The following GRIK3 variants were observed in gnomAD, a reference collection of about 807,000 sequenced individuals.
GRIK3 encodes glutamate ionotropic receptor kainate type subunit 3.
GRIK3 carries 29 observed loss-of-function variants against 102.5 expected under a neutral mutation model. The observed-to-expected ratio is 0.28, with a 90% CI of 0.21 to 0.39. The LOEUF (loss-of-function observed/expected upper bound fraction) is 0.39, where lower values mean the gene tolerates loss of function less well. Ranked by LOEUF, GRIK3 falls within the 10% of genes least tolerant of loss-of-function variation. The pLI is 1.00. For missense variants in GRIK3, 908 were observed against 1,252.4 expected (o/e 0.73, Z 4.15); for synonymous variants, 511 against 504.9 (o/e 1.01, Z -0.16).
At chr1:36,946,174 G>C (rs141688672) in intron 1 of GRIK3, among the ~76,000 whole-genome samples, 1 of 152,236 alleles carries the variant, frequency 6.6e-6, no homozygotes, top group Non-Finnish European at 1.5e-5. Flanking sequence ...ACAGGAGAGC[G>C]ATGGGTATCC....
intron 10 of GRIK3, 145 bp downstream of exon 10, chr1:36,841,591 C>T (rs529445846): frequency 2.9e-4 from 204 of 693,680 alleles, no homozygotes; most frequent in Middle Eastern, 2.0e-3. Context: ...TGAGGCCCCC[C>T]AGTCCTCAAG....
intron 11 of GRIK3, among the ~76,000 whole-genome samples, chr1:36,820,424 A>G (rs1447648223): frequency 1.3e-5 from 2 of 152,232 alleles, no homozygotes; most frequent in Non-Finnish European, 2.9e-5. Context: ...ACACTTAAAT[A>G]AACAGACTCC....
intron 1 of GRIK3, among the ~76,000 whole-genome samples, chr1:36,962,191 C>G (rs1018006946): frequency 6.6e-5 from 10 of 152,308 alleles, no homozygotes; most frequent in African/African-American, 2.2e-4. Flanking sequence ...TGCTTCTGAA[C>G]AGGTTCGCAT....
chr1:36,984,347 C>T (rs531589611), intron 1 of GRIK3, among the ~76,000 whole-genome samples: 2 of 152,368 alleles, frequency 1.3e-5, no homozygotes, highest in South Asian at 4.1e-4. Context: ...ATTCACATCC[C>T]TCATCCCACA....
chr1:36,817,022 C>T, intron 13 of GRIK3, 38 bp downstream of exon 13: 1 of 1,415,148 alleles, frequency 7.1e-7, no homozygotes, highest in Non-Finnish European at 1.0e-6. Flanking sequence ...CGGAGAGGAT[C>T]AGCTCACGGT....
intron 10 of GRIK3, among the ~76,000 whole-genome samples, chr1:36,838,355 T>C (rs571524): frequency 0.19 from 29,393 of 152,154 alleles, 3,384 homozygotes; most frequent in African/African-American, 0.32. Flanking sequence ...TAATTTAAGG[T>C]ACGGATGTGA....
intron 1 of GRIK3, among the ~76,000 whole-genome samples, chr1:36,989,970 T>G (rs1374893918): frequency 1.3e-5 from 2 of 152,212 alleles, no homozygotes; most frequent in African/African-American, 4.8e-5. Context: ...TACGCTTGAT[T>G]CGGATGGGAG....
At chr1:36,909,881 C>T (rs1641327065) in intron 1 of GRIK3, among the ~76,000 whole-genome samples, 1 of 152,094 alleles carries the variant, frequency 6.6e-6, no homozygotes, top group Non-Finnish European at 1.5e-5. Flanking sequence ...AGCATTAGTG[C>T]CTATATTTTT....
At chr1:36,856,004 C>T (rs895452336) in intron 7 of GRIK3, among the ~76,000 whole-genome samples, 4 of 152,164 alleles carry the variant, frequency 2.6e-5, no homozygotes, top group South Asian at 4.1e-4. Context: ...GTCCTGGGGT[C>T]GAGGCACCTA....
chr1:36,881,281 G>T (rs1640974041), intron 2 of GRIK3, among the ~76,000 whole-genome samples: 2 of 152,128 alleles, frequency 1.3e-5, no homozygotes, highest in South Asian at 4.1e-4. Flanking sequence ...CTGGCTGATG[G>T]TGCTTCAACT....
At position 36,947,719 on chromosome 1, in the gene GRIK3, C is replaced by T. The variant is rs528376122; in HGVS notation, c.116-56623G>A. Among the ~76,000 whole-genome samples, 3 of 152,224 alleles carry T rather than the reference C, an allele frequency of 2.0e-5. No homozygotes were observed. The South Asian group carries it at 6.2e-4, about 32-fold the overall frequency. On this transcript the variant is annotated intron_variant, in intron 1 of 15. Coordinates refer to ENST00000373091, the MANE Select transcript of GRIK3 (RefSeq NM_000831.4). ...TCAAAGCACTATCAGCAGCTGACATCTAATATGCTGCTATTTTCTATCCTC... is the reference window on the plus strand; with the variant it reads ...TCAAAGCACTATCAGCAGCTGACATTTAATATGCTGCTATTTTCTATCCTC...
chr1:37,016,824 A>G (rs1055876242), intron 1 of GRIK3, among the ~76,000 whole-genome samples: 5 of 152,138 alleles, frequency 3.3e-5, no homozygotes, highest in Non-Finnish European at 5.9e-5. Flanking sequence ...TAAAATGATG[A>G]GGGTGTGGAA....
chr1:36,928,582 A>C (rs898449375), intron 1 of GRIK3, among the ~76,000 whole-genome samples: 1 of 152,204 alleles, frequency 6.6e-6, no homozygotes, highest in African/African-American at 2.4e-5. Context: ...GGTTCAGCTT[A>C]ATGGTATGTC....
At chr1:36,958,188 G>A (rs1423445759) in intron 1 of GRIK3, among the ~76,000 whole-genome samples, 3,639 of 53,486 alleles carry the variant, frequency 0.068, 1 homozygote, top group African/African-American at 0.11. Context: ...CTGTGCCCCT[G>A]AGTCTGTGTG....
At chr1:36,859,733 G>T in intron 6 of GRIK3, 111 bp downstream of exon 6, 1 of 865,856 alleles carries the variant, frequency 1.2e-6, no homozygotes, top group Non-Finnish European at 1.9e-6. Flanking sequence ...ACACATGGAA[G>T]GTCTCAAGAA....
intron 15 of GRIK3, among the ~76,000 whole-genome samples, chr1:36,803,772 T>C (rs1195221425): frequency 6.6e-6 from 1 of 152,190 alleles, no homozygotes; most frequent in African/African-American, 2.4e-5. Flanking sequence ...GAGAATTTGA[T>C]TGTTGTTCTT....
intron 11 of GRIK3, 67 bp downstream of exon 11, chr1:36,825,536 A>G: frequency 9.5e-7 from 1 of 1,049,196 alleles, no homozygotes. Context: ...GGCTGAGGAG[A>G]TGAGGACCTG....
intron 3 of GRIK3, among the ~76,000 whole-genome samples, chr1:36,874,318 A>C (rs1640888587): frequency 6.6e-6 from 1 of 152,204 alleles, no homozygotes; most frequent in Non-Finnish European, 1.5e-5. Context: ...GGGGACAGAC[A>C]TGTATGCTCG....
intron 1 of GRIK3, among the ~76,000 whole-genome samples, chr1:37,025,059 A>G (rs901542926): frequency 2.0e-4 from 31 of 152,222 alleles, no homozygotes; most frequent in African/African-American, 7.2e-4. Context: ...AGGAATTTCA[A>G]ACCCACACTC....
Sources: gnomAD v4.1 joint callset for allele counts (sites outside exome capture counted in the v4.1 genomes callset) on GRCh38, gnomAD v4.1.1 for gene constraint, MANE v1.5 for transcripts, NCBI Gene and HGNC (gene_info 2026-07-23, HGNC 2026-07-21) for gene names.